The following GALNT2 variants were observed in gnomAD, a reference collection of about 807,000 sequenced individuals.
GALNT2 encodes the protein polypeptide N-acetylgalactosaminyltransferase 2, also known as UDP-GalNAc:polypeptide N-acetylgalactosaminyltransferase 2.
GALNT2 carries 31 observed loss-of-function variants against 81.4 expected under a neutral mutation model. The observed-to-expected ratio is 0.38, with a 90% CI of 0.29 to 0.51. GALNT2 has a LOEUF of 0.51. GALNT2 is among the 20% of genes least tolerant of loss of function. GALNT2 has a pLI of 0.87. For synonymous variants in GALNT2, 303 were observed against 287.4 expected (o/e 1.05, Z -0.55); for missense variants, 629 against 765.7 (o/e 0.82, Z 2.11).
chr1:230,186,593 T>A (rs1181823752), intron 2 of GALNT2, among the ~76,000 whole-genome samples: 1 of 152,254 alleles, frequency 6.6e-6, no homozygotes, highest in African/African-American at 2.4e-5. Context: ...ACAAGTGTTC[T>A]GATGGTTTTC....
chr1:230,234,217 C>T (rs1183541177), intron 3 of GALNT2, among the ~76,000 whole-genome samples: 1 of 152,068 alleles, frequency 6.6e-6, no homozygotes, highest in Non-Finnish European at 1.5e-5. Context: ...GGATGAACTT[C>T]CCTCAGTCAG....
At chr1:230,196,393 G>A (rs1339051713) in intron 2 of GALNT2, among the ~76,000 whole-genome samples, 1 of 152,098 alleles carries the variant, frequency 6.6e-6, no homozygotes, top group African/African-American at 2.4e-5. Context: ...GTTAATTTCC[G>A]TACATTTGCT....
At chr1:230,125,807 A>G (rs2102806439) in intron 1 of GALNT2, among the ~76,000 whole-genome samples, 1 of 151,872 alleles carries the variant, frequency 6.6e-6, no homozygotes, top group African/African-American at 2.4e-5. Flanking sequence ...CTCTCTTAAA[A>G]CTCTCTTGCC....
chr1:230,217,848 A>G (rs1664437159), intron 3 of GALNT2, among the ~76,000 whole-genome samples: 3 of 152,212 alleles, frequency 2.0e-5, no homozygotes, highest in South Asian at 4.1e-4. Flanking sequence ...AAAAGCCCTC[A>G]TTATCTAATC....
intron 3 of GALNT2, among the ~76,000 whole-genome samples, chr1:230,231,466 G>A (rs1664863532): frequency 1.3e-5 from 2 of 152,264 alleles, no homozygotes; most frequent in African/African-American, 4.8e-5. Flanking sequence ...TCCCAACACC[G>A]TGAAACAGCC....
At chr1:230,121,835 C>T (rs1661024609) in intron 1 of GALNT2, among the ~76,000 whole-genome samples, 1 of 151,818 alleles carries the variant, frequency 6.6e-6, no homozygotes, top group Admixed American at 6.6e-5. Context: ...CTCGAGGTCA[C>T]ACAGCTAGAA....
chr1:230,211,083 C>T (rs4846930), intron 3 of GALNT2, among the ~76,000 whole-genome samples: 86,499 of 152,076 alleles, frequency 0.57, 27,282 homozygotes, highest in East Asian at 0.89. Flanking sequence ...TGATTGGAGA[C>T]CCAGGCAGGG....
At chr1:230,215,913 T>C (rs2102717877) in intron 3 of GALNT2, among the ~76,000 whole-genome samples, 1 of 152,358 alleles carries the variant, frequency 6.6e-6, no homozygotes, top group South Asian at 2.1e-4. Flanking sequence ...TGTTATTTTG[T>C]TACACTTTGC....
intron 1 of GALNT2, among the ~76,000 whole-genome samples, chr1:230,175,087 C>A (rs539701828): frequency 5.9e-5 from 9 of 152,264 alleles, no homozygotes; most frequent in African/African-American, 1.9e-4. Context: ...CAGGCCAAGG[C>A]CTTCGGTAGG....
chr1:230,270,396 A>G (rs760126038), intron 14 of GALNT2, among the ~76,000 whole-genome samples: 18 of 152,218 alleles, frequency 1.2e-4, no homozygotes, highest in Admixed American at 2.0e-4. Flanking sequence ...ACTTTCCAAT[A>G]GAACCATGTG....
intron 2 of GALNT2, among the ~76,000 whole-genome samples, chr1:230,183,893 G>A (rs1034804642): frequency 2.0e-5 from 3 of 151,952 alleles, no homozygotes; most frequent in Non-Finnish European, 4.4e-5. Flanking sequence ...CAGGAGAATC[G>A]CTGGAACCTG....
intron 2 of GALNT2, among the ~76,000 whole-genome samples, chr1:230,179,431 G>T (rs995657371): frequency 2.6e-5 from 4 of 152,194 alleles, no homozygotes; most frequent in African/African-American, 9.6e-5. Flanking sequence ...GTGAGTGAGG[G>T]TTCCTGTTTC....
chr1:230,145,715 G>T (rs565080409), intron 1 of GALNT2, among the ~76,000 whole-genome samples: 1 of 152,218 alleles, frequency 6.6e-6, no homozygotes, highest in Admixed American at 6.5e-5. Flanking sequence ...ACAGCAGGAC[G>T]TCAGGCAAGC....
chr1:230,217,112 C>G (rs1664412906), intron 3 of GALNT2, among the ~76,000 whole-genome samples: 1 of 151,718 alleles, frequency 6.6e-6, no homozygotes, highest in Non-Finnish European at 1.5e-5. Context: ...CGTCATAGAG[C>G]TCACATTAAG....
chr1:230,157,156 C>T (rs1662282470), intron 1 of GALNT2, among the ~76,000 whole-genome samples: 1 of 152,148 alleles, frequency 6.6e-6, no homozygotes. Context: ...CATTTAAAAG[C>T]AGAGAAAACA....
At chr1:230,058,416 C>T (rs1295464389) in intron 1 of GALNT2, among the ~76,000 whole-genome samples, 1 of 152,164 alleles carries the variant, frequency 6.6e-6, no homozygotes, top group African/African-American at 2.4e-5. Context: ...CGCTTTCCTG[C>T]CCCACCCTCT....
intron 3 of GALNT2, among the ~76,000 whole-genome samples, chr1:230,211,784 A>G (rs185517802): frequency 6.6e-6 from 1 of 152,052 alleles, no homozygotes; most frequent in Non-Finnish European, 1.5e-5. Context: ...AAAAATAAAA[A>G]ATTTTATTTA....
At chr1:230,133,061 G>T (rs1251249393) in intron 1 of GALNT2, among the ~76,000 whole-genome samples, 2 of 152,080 alleles carry the variant, frequency 1.3e-5, no homozygotes, top group East Asian at 1.9e-4. Context: ...TTGCAGTTTG[G>T]TTTTTTTCCC....
intron 2 of GALNT2, among the ~76,000 whole-genome samples, chr1:230,188,343 G>T (rs1663410463): frequency 6.6e-6 from 1 of 152,152 alleles, no homozygotes; most frequent in South Asian, 2.1e-4. Flanking sequence ...CACCCAAGTG[G>T]CAGTCCCAGC....
Sources: allele counts gnomAD v4.1 joint callset (sites outside exome capture counted in the v4.1 genomes callset), GRCh38; gene constraint gnomAD v4.1.1; transcripts MANE v1.5; gene names NCBI Gene and HGNC (gene_info 2026-07-23, HGNC 2026-07-21).